The following CCDC83 variants were observed in gnomAD, a reference collection of about 807,000 sequenced individuals.
The protein encoded by CCDC83 is coiled-coil domain containing 83.
Under a neutral mutation model 50.1 loss-of-function variants are expected in CCDC83, and 54 were observed. The observed-to-expected ratio is 1.08, with a 90% CI of 0.87 to 1.35. The LOEUF (loss-of-function observed/expected upper bound fraction) is 1.35. Among genes scored for constraint, CCDC83 ranks in the 40% most tolerant of loss-of-function variants. The pLI is 0.00. For synonymous variants in CCDC83, 161 were observed against 153.3 expected, an observed-to-expected ratio of 1.05 and a Z score of -0.37; for missense variants, 518 against 473.9, an observed-to-expected ratio of 1.09 and a Z score of -0.86.
In CCDC83 at chr11:85,907,726, C is replaced by T. The variant is rs573629248; in HGVS notation, c.673-3555C>T. On this transcript the variant is annotated intron_variant, in intron 7 of 10. Coordinates refer to ENST00000342404, the MANE Select transcript of CCDC83 (RefSeq NM_001286159.2). ...TTTATTCCCTAACATTTCAAAAGGC[C>T]GAGGGAGATAGCTATTGAGGAGCAC... Among the ~76,000 whole-genome samples the T allele has an allele frequency of 5.1e-4, 77 of 150,388 alleles. 1 individual carries two copies. The highest frequency in any genetic ancestry group is 1.7e-3 in the African/African-American group (67 of 39,808).
intron 2 of CCDC83, among the ~76,000 whole-genome samples, chr11:85,870,351 T>C (rs377530568): frequency 1.3e-5 from 2 of 152,230 alleles, no homozygotes; most frequent in East Asian, 3.8e-4. Flanking sequence ...CATCTTGAGA[T>C]TCATTTGCCT....
chr11:85,899,061 T>TCCAA, intron 7 of CCDC83, 46 bp downstream of exon 7: 1 of 1,416,694 alleles, frequency 7.1e-7, no homozygotes, highest in Non-Finnish European at 1.0e-6. Flanking sequence ...TTCTCATTTT[T>TCCAA]TTAAGTGGAA....
At chr11:85,888,670 T>G (rs549422455) in intron 5 of CCDC83, among the ~76,000 whole-genome samples, 1 of 152,320 alleles carries the variant, frequency 6.6e-6, no homozygotes, top group Non-Finnish European at 1.5e-5. Flanking sequence ...GAATGAATTC[T>G]CCAATATTTT....
intron 3 of CCDC83, among the ~76,000 whole-genome samples, chr11:85,879,006 G>GTATA (rs58663081): frequency 3.3e-5 from 5 of 151,886 alleles, no homozygotes; most frequent in African/African-American, 1.2e-4. Flanking sequence ...TGAGTTTTAC[G>GTATA]TATATATATA....
chr11:85,881,379 A>C (rs748156326), intron 3 of CCDC83, among the ~76,000 whole-genome samples: 4,992 of 150,348 alleles, frequency 0.033, 118 homozygotes, highest in Non-Finnish European at 0.049. Context: ...TCCCCCCCCA[A>C]AAAAAAAAAG....
intron 2 of CCDC83, among the ~76,000 whole-genome samples, chr11:85,870,124 T>C (rs1460006337): frequency 6.6e-6 from 1 of 152,196 alleles, no homozygotes; most frequent in Non-Finnish European, 1.5e-5. Context: ...TTGTAGCAAA[T>C]AGAAATAAAC....
chr11:85,911,471 A>T lies in CCDC83; in HGVS notation c.794+69A>T, dbSNP rs530470461. The stretch of plus-strand genomic sequence containing the variant: ...ATCTGCTGTAAAAAGTTGTTTTTTT[A>T]AAACAAAAAAAGATGATTTAATTAT... On this transcript the variant is annotated intron_variant, in intron 8 of 10. Coordinates refer to ENST00000342404, the MANE Select transcript of CCDC83 (RefSeq NM_001286159.2). The T allele has an allele frequency of 4.3e-5, 57 of 1,326,718 alleles. 1 individual carries two copies. Among genetic ancestry groups the T allele is most frequent in the African/African-American group, 6.0e-5 (4 of 66,132 alleles). The allele number at this position is 1,326,718 out of a possible 1,614,324, so 82.2% of individuals were successfully genotyped here.
chr11:85,857,661 C>T (rs924847567), intron 1 of CCDC83, among the ~76,000 whole-genome samples: 4 of 152,168 alleles, frequency 2.6e-5, no homozygotes, highest in Admixed American at 6.5e-5. Flanking sequence ...ACAACCTCTC[C>T]GGCTGCCAGG....
In CCDC83 at chr11:85,899,459, T is replaced by C. The variant is rs570283002; in HGVS notation, c.672+444T>C. Among the ~76,000 whole-genome samples the C allele has an allele frequency of 3.3e-5, 5 of 152,358 alleles. No individual in the cohort carries two copies. In the East Asian group the frequency reaches 9.7e-4, roughly 29 times the overall value. On this transcript the variant is annotated intron_variant, in intron 7 of 10. Coordinates refer to ENST00000342404, the MANE Select transcript of CCDC83 (RefSeq NM_001286159.2). The stretch of plus-strand genomic sequence containing the variant: ...TTGTGAGGTACTGTACTGTTTTCTC[T>C]AGATTGTACATGCTGGTCCTCTGGT...
chr11:85,902,065 G>A (rs1037474820), intron 7 of CCDC83, among the ~76,000 whole-genome samples: 2 of 144,516 alleles, frequency 1.4e-5, no homozygotes, highest in African/African-American at 5.1e-5. Context: ...ATAGAGGGAA[G>A]GGAATCATCA....
At chr11:85,863,126 T>C (rs1004800080) in intron 1 of CCDC83, among the ~76,000 whole-genome samples, 3 of 152,268 alleles carry the variant, frequency 2.0e-5, no homozygotes, top group Non-Finnish European at 4.4e-5. Flanking sequence ...ATCTCTTCCA[T>C]ATGACTTAGA....
chr11:85,858,913 T>G (rs967917818), intron 1 of CCDC83, among the ~76,000 whole-genome samples: 2 of 152,108 alleles, frequency 1.3e-5, no homozygotes, highest in African/African-American at 2.4e-5. Flanking sequence ...GTTGGTACTT[T>G]TAGTCTCTGT....
At position 85,911,553 on chromosome 11, in the gene CCDC83, G is replaced by T. The variant is rs2093454503; in HGVS notation, c.794+151G>T. ...GACAAAAAAAATGCTCATGGTGAAG[G>T]TATAGGATTATTACTATTGACCATT... On this transcript the variant is annotated intron_variant, in intron 8 of 10. Transcript: ENST00000342404. The T allele has an allele frequency of 1.1e-5, 7 of 618,924 alleles. No homozygotes were observed. The South Asian group carries it at 1.4e-4, about 12-fold the overall frequency. 38.3% of individuals were successfully genotyped at this position (618,924 alleles called of 1,614,324 possible).
At chr11:85,911,086 G>A (rs181744504) in intron 7 of CCDC83, among the ~76,000 whole-genome samples, 195 bp from the exon 8 acceptor site, 2 of 150,804 alleles carry the variant, frequency 1.3e-5, no homozygotes, top group East Asian at 2.0e-4. Flanking sequence ...CAGGAGAATC[G>A]CTTGAACCCA....
chr11:85,886,086 G>C (rs1291609583), intron 4 of CCDC83, 114 bp from the exon 5 acceptor site: 3 of 689,442 alleles, frequency 4.4e-6, no homozygotes, highest in Non-Finnish European at 6.4e-6. Context: ...ATATAAAATA[G>C]TATTTATGAG....
At chr11:85,875,226 G>A (rs762350434) in intron 3 of CCDC83, among the ~76,000 whole-genome samples, 1 of 152,172 alleles carries the variant, frequency 6.6e-6, no homozygotes, top group African/African-American at 2.4e-5. Flanking sequence ...ATTAGGAAAG[G>A]GTAGGTATAT....
chr11:85,897,884 C>T (rs1305965019), intron 6 of CCDC83, among the ~76,000 whole-genome samples: 1 of 152,092 alleles, frequency 6.6e-6, no homozygotes, highest in East Asian at 1.9e-4. Context: ...GGGCTGGGCG[C>T]GGTGGCTCAC....
chr11:85,913,337 G>T (rs1241988441), intron 8 of CCDC83, among the ~76,000 whole-genome samples: 2 of 152,084 alleles, frequency 1.3e-5, no homozygotes, highest in Admixed American at 6.5e-5. Flanking sequence ...ACTCCTTGAG[G>T]CAACTGTTTT....
intron 2 of CCDC83, 38 bp from the exon 3 acceptor site, chr11:85,873,173 A>G: frequency 9.0e-7 from 1 of 1,106,220 alleles, no homozygotes; most frequent in Non-Finnish European, 1.3e-6. Context: ...TTCCTAAGAT[A>G]AATGATTCTA....
Sources: gnomAD v4.1 joint callset for allele counts (sites outside exome capture counted in the v4.1 genomes callset) on GRCh38, gnomAD v4.1.1 for gene constraint, MANE v1.5 for transcripts, NCBI Gene and HGNC (gene_info 2026-07-23, HGNC 2026-07-21) for gene names.